The following FECH variants were observed in gnomAD, a reference collection of about 807,000 sequenced individuals.
FECH encodes the protein ferrochelatase, mitochondrial.
In FECH, 40 loss-of-function variants were observed where a neutral mutation model predicts 56.9. The observed-to-expected ratio is 0.70, with a 90% confidence interval of 0.55 to 0.92. The LOEUF (loss-of-function observed/expected upper bound fraction) is 0.92, where lower values mean the gene tolerates loss of function less well. FECH is among the 40% of genes least tolerant of loss of function. The probability of loss-of-function intolerance (pLI) is 0.00; values close to 1 mark genes in which losing one functional copy is unlikely to be tolerated. For synonymous variants in FECH, 175 were observed against 198.6 expected (o/e 0.88, Z 1.00); for missense variants, 431 against 529.1 (o/e 0.81, Z 1.82).
chr18:57,554,174 T>C, intron 9 of FECH, 86 bp downstream of exon 9: 2 of 1,405,408 alleles, frequency 1.4e-6, no homozygotes, highest in Non-Finnish European at 1.0e-6. Context: ...GTAAACAATA[T>C]TTCTGAATGA....
intron 9 of FECH, among the ~76,000 whole-genome samples, chr18:57,551,719 C>T (rs1200115725): frequency 7.9e-5 from 12 of 152,084 alleles, no homozygotes; most frequent in Non-Finnish European, 8.8e-5. Context: ...TTTGCTAGTG[C>T]ATAATTTTAC....
chr18:57,565,272 C>T (rs1433479827), intron 5 of FECH, among the ~76,000 whole-genome samples: 1 of 152,080 alleles, frequency 6.6e-6, no homozygotes, highest in East Asian at 1.9e-4. Context: ...AACATATGAC[C>T]AGACATTTTG....
Position 57,545,019 on chromosome 18 carries a change from C to G in FECH, c.*5693G>C, listed in dbSNP as rs1007841668. Among the ~76,000 whole-genome samples the G allele has an allele frequency of 6.6e-6, 1 of 152,032 alleles. No individual in the cohort carries two copies. Among genetic ancestry groups the G allele is most frequent in the Non-Finnish European group, 1.5e-5 (1 of 68,010 alleles). On this transcript the variant is annotated 3_prime_UTR_variant, in exon 11 of 11. Transcript: ENST00000262093. ...AAGGAAAAGGTAAAAATACAGAATA[C>G]TACATGGATTATCAAGGTTAAATCT... is the stretch of plus-strand genomic sequence containing the variant.
rs2051123818 is a variant in FECH, at chr18:57,572,464, T to C, written c.314+782A>G. On this transcript the variant is annotated intron_variant, in intron 3 of 10. Transcript: ENST00000262093. ...CATTAGGAGATATACCTAATGTAAA[T>C]GACGAGTTAATGGGTGCAGCACACC... Among the ~76,000 whole-genome samples, 2 of 126,006 alleles carry C rather than the reference T, an allele frequency of 1.6e-5. 1 individual carries two copies. Among genetic ancestry groups the C allele is most frequent in the South Asian group, 5.0e-4 (2 of 4,036 alleles). 82.7% of individuals were successfully genotyped at this position (126,006 alleles called of 152,430 possible).
intron 4 of FECH, 25 bp from the exon 5 acceptor site, chr18:57,566,606 G>A: frequency 6.2e-7 from 1 of 1,613,884 alleles, no homozygotes; most frequent in Non-Finnish European, 8.5e-7. Context: ...ATGTGGAAAG[G>A]AGAAAGTGTT....
Position 57,554,431 on chromosome 18 carries a change from G to C in FECH, c.913-7C>G, listed in dbSNP as rs369538477. The C allele has an allele frequency of 2.2e-5, 36 of 1,614,000 alleles. 1 individual carries two copies. The highest frequency in any genetic ancestry group is 1.3e-4 in the East Asian group (6 of 44,886). ...ACCAGGGCATTGGACCAACCTATGC[G>C]AAAGATAGACGAATGCGTAAGTGGA... On this transcript the variant is annotated splice_polypyrimidine_tract_variant and splice_region_variant and intron_variant, in intron 8 of 10. Coordinates refer to ENST00000262093, the MANE Select transcript of FECH (RefSeq NM_000140.5).
At chr18:57,571,830 C>A (rs891007365) in intron 3 of FECH, among the ~76,000 whole-genome samples, 1 of 152,196 alleles carries the variant, frequency 6.6e-6, no homozygotes, top group Non-Finnish European at 1.5e-5. Context: ...CCTGGATGTG[C>A]GCTAGCTACT....
At chr18:57,559,280 G>A (rs2050909961) in intron 6 of FECH, 37 bp from the exon 7 acceptor site, 2 of 1,379,146 alleles carry the variant, frequency 1.5e-6, no homozygotes, top group African/African-American at 1.4e-5. Flanking sequence ...AAAGAGGAAG[G>A]GAAGAAAGAA....
intron 2 of FECH, among the ~76,000 whole-genome samples, chr18:57,576,906 C>T (rs553289107): frequency 7.2e-5 from 11 of 152,252 alleles, no homozygotes; most frequent in East Asian, 1.9e-4. Context: ...AAGGTCTGAA[C>T]GTTCATGTTC....
At chr18:57,555,490 C>G (rs950949308) in intron 7 of FECH, among the ~76,000 whole-genome samples, 3 of 152,214 alleles carry the variant, frequency 2.0e-5, no homozygotes, top group Non-Finnish European at 4.4e-5. Context: ...CCTCTCTCCC[C>G]ACTCTTCCTG....
At position 57,567,167 on chromosome 18, in the gene FECH, G is replaced by A. The variant is rs577803021; in HGVS notation, c.464-586C>T. 1.2e-3 allele frequency among the ~76,000 whole-genome samples: 183 copies of A among 151,944 alleles called. 2 individuals carry two copies. The highest frequency in any genetic ancestry group is 2.6e-3 in the Admixed American group (40 of 15,266). On this transcript the variant is annotated intron_variant, in intron 4 of 10. Coordinates refer to ENST00000262093, the MANE Select transcript of FECH (RefSeq NM_000140.5). ...GTTCCCCGAACCCCCAGGCCACCTC[G>A]TTTATATAAAAAAATGCAAGAGCTC...
At chr18:57,569,615 T>C (rs1053018866) in intron 4 of FECH, among the ~76,000 whole-genome samples, 3 of 152,126 alleles carry the variant, frequency 2.0e-5, no homozygotes, top group African/African-American at 7.2e-5. Flanking sequence ...GTATTGCTTT[T>C]TCAAGTCTGA....
chr18:57,586,337 C>A (rs2051372430), intron 1 of FECH, among the ~76,000 whole-genome samples: 1 of 152,248 alleles, frequency 6.6e-6, no homozygotes, highest in Admixed American at 6.5e-5. Flanking sequence ...TGAACCTGCG[C>A]CTCCTGGATC....
intron 4 of FECH, among the ~76,000 whole-genome samples, chr18:57,570,752 G>C (rs371148465): frequency 3.2e-4 from 49 of 152,324 alleles, no homozygotes; most frequent in African/African-American, 1.1e-3. Context: ...GCAATGAATT[G>C]TGTCTTCGAT....
In FECH at chr18:57,546,508, C is replaced by T. The variant is rs2050722915; in HGVS notation, c.*4204G>A. ...AATAATAATATACTTTGGATAAGCA[C>T]AATGGCATCACATTGAGCAAAGGAT... is the stretch of plus-strand genomic sequence containing the variant. On this transcript the variant is annotated 3_prime_UTR_variant, in exon 11 of 11. Coordinates refer to ENST00000262093, the MANE Select transcript of FECH (RefSeq NM_000140.5). 6.6e-6 allele frequency among the ~76,000 whole-genome samples: 1 copy of T among 152,186 alleles called. No individual in the cohort carries two copies. The highest frequency in any genetic ancestry group is 2.4e-5 in the African/African-American group (1 of 41,436).
At chr18:57,571,078 T>C (rs2051098232) in intron 4 of FECH, among the ~76,000 whole-genome samples, 1 of 152,256 alleles carries the variant, frequency 6.6e-6, no homozygotes, top group African/African-American at 2.4e-5. Flanking sequence ...TGTAATGATA[T>C]ATGCATCTTT....
At chr18:57,579,313 G>GTGTGTGTGTGTATATA (rs531089366) in intron 2 of FECH, among the ~76,000 whole-genome samples, 1 of 143,768 alleles carries the variant, frequency 7.0e-6, no homozygotes, top group African/African-American at 2.6e-5. Flanking sequence ...GTGTGTGTGT[G>GTGTGTGTGTGTATATA]TATATATTCA....
Position 57,547,413 on chromosome 18 carries a change from G to A in FECH, c.*3299C>T, listed in dbSNP as rs545546174. On this transcript the variant is annotated 3_prime_UTR_variant, in exon 11 of 11. Coordinates refer to ENST00000262093, the MANE Select transcript of FECH (RefSeq NM_000140.5). Reference sequence around the variant, plus strand: ...ACCTGGTGGAAGGAGATTGGAACATGGAGACAGTTCCCCCATGCTGTTCTT... The same window carrying A: ...ACCTGGTGGAAGGAGATTGGAACATAGAGACAGTTCCCCCATGCTGTTCTT... 7.2e-5 allele frequency among the ~76,000 whole-genome samples: 11 copies of A among 152,238 alleles called. No homozygotes were observed. The East Asian group carries it at 1.7e-3, about 24-fold the overall frequency.
rs903860210 is a variant in FECH, at chr18:57,546,809, A to G, written c.*3903T>C. ...CCCCATCTCTACTAAAAATACAAAA[A>G]TTAGCCGGGCATGGTGGCACACGCC... On this transcript the variant is annotated 3_prime_UTR_variant, in exon 11 of 11. Transcript: ENST00000262093. Among the ~76,000 whole-genome samples the G allele has an allele frequency of 2.6e-5, 4 of 151,586 alleles. No homozygotes were observed. The highest frequency in any genetic ancestry group is 9.7e-5 in the African/African-American group (4 of 41,256).
Sources: gnomAD v4.1 joint callset for allele counts (sites outside exome capture counted in the v4.1 genomes callset) on GRCh38, gnomAD v4.1.1 for gene constraint, MANE v1.5 for transcripts, NCBI Gene and HGNC (gene_info 2026-07-23, HGNC 2026-07-21) for gene names.